DOCK1: variants seen among roughly 807,000 people sequenced by gnomAD.
DOCK1 encodes the protein dedicator of cytokinesis protein 1.
In DOCK1, 138 loss-of-function variants were observed where a neutral mutation model predicts 262.7. The ratio of observed to expected loss-of-function variants is 0.53; its 90% CI spans 0.46 to 0.61. The LOEUF (loss-of-function observed/expected upper bound fraction) is 0.61. Among genes scored for constraint, DOCK1 ranks in the 20% least tolerant of loss-of-function variants. The pLI is 0.00. For missense variants in DOCK1, 1,908 were observed against 2,370.7 expected (o/e 0.80, Z 4.05); for synonymous variants, 866 against 867.4 (o/e 1.00, Z 0.03).
At chr10:127,429,003 ATGCCGTGTGGATTGGGG>A (rs1175837561) in intron 47 of DOCK1, among the ~76,000 whole-genome samples, 18 of 35,912 alleles carry the variant, frequency 5.0e-4, no homozygotes, top group Admixed American at 5.5e-4. Context: ...GTGGATTGGG[ATGCCGTGTGGATTGGGG>A]TGCCGTGTGG....
intron 29 of DOCK1, among the ~76,000 whole-genome samples, chr10:127,329,179 G>A (rs544893970): frequency 6.6e-6 from 1 of 152,190 alleles, no homozygotes; most frequent in South Asian, 2.1e-4. Flanking sequence ...GGCAGCTGAT[G>A]ACACACATTC....
intron 32 of DOCK1, among the ~76,000 whole-genome samples, chr10:127,357,701 A>G (rs1198484705): frequency 1.3e-5 from 2 of 152,200 alleles, no homozygotes; most frequent in Non-Finnish European, 2.9e-5. Flanking sequence ...ACCAAAGCCA[A>G]TTAGGGTCAG....
intron 29 of DOCK1, among the ~76,000 whole-genome samples, chr10:127,267,368 A>C (rs2060400313): frequency 6.6e-6 from 1 of 152,252 alleles, no homozygotes; most frequent in African/African-American, 2.4e-5. Context: ...TTGCTTAATA[A>C]CTAAAACAAA....
At chr10:127,392,542 G>A (rs1385216527) in intron 38 of DOCK1, among the ~76,000 whole-genome samples, 2 of 152,170 alleles carry the variant, frequency 1.3e-5, no homozygotes. Context: ...ACACAGGCAC[G>A]GGGCTTTCAG....
intron 27 of DOCK1, among the ~76,000 whole-genome samples, chr10:127,224,154 C>T (rs1490563863): frequency 6.6e-6 from 1 of 151,946 alleles, no homozygotes; most frequent in Non-Finnish European, 1.5e-5. Context: ...CCATGGAAAA[C>T]CAGTTTTTTT....
intron 18 of DOCK1, among the ~76,000 whole-genome samples, chr10:127,034,298 G>T (rs1453767509): frequency 2.0e-5 from 3 of 152,184 alleles, no homozygotes; most frequent in Non-Finnish European, 2.9e-5. Flanking sequence ...CAGGCAGAGA[G>T]AGAGAGAAAG....
In DOCK1 at chr10:127,362,143, C is replaced by T. The variant is rs377554543; in HGVS notation, c.3363C>T (p.Arg1121=). ...EMTLIPETEL[R]KATIPIFFDM... ...CATTAATTCCCGAGACGGAGCTGCG[C>T]AAAGCCACCATCCCCATCTTCTTTG... Residue 1121 remains arginine (R), a synonymous_variant, in exon 33 of 52, where the codon CGC becomes CGT. Coordinates refer to ENST00000623213, the MANE Select transcript of DOCK1 (RefSeq NM_001290223.2). 77 of 1,613,916 alleles carry T rather than the reference C, an allele frequency of 4.8e-5. 1 individual carries two copies. The East Asian group carries it at 7.8e-4, about 16-fold the overall frequency.
chr10:127,191,260 G>C (rs937427136), intron 27 of DOCK1, among the ~76,000 whole-genome samples: 5 of 152,012 alleles, frequency 3.3e-5, no homozygotes, highest in African/African-American at 1.2e-4. Flanking sequence ...CCACTTCCTT[G>C]CCACCTCCTC....
intron 27 of DOCK1, chr10:127,137,992 C>G (rs1184972985): frequency 6.2e-7 from 1 of 1,610,918 alleles, no homozygotes; most frequent in African/African-American, 1.3e-5. Flanking sequence ...TGGAGTTTGT[C>G]TTCTTGCTGC....
chr10:127,236,749 T>A (rs1564924823), intron 27 of DOCK1, among the ~76,000 whole-genome samples: 1 of 152,190 alleles, frequency 6.6e-6, no homozygotes, highest in East Asian at 1.9e-4. Flanking sequence ...TAAAATATTC[T>A]TCTGTATATG....
intron 49 of DOCK1, among the ~76,000 whole-genome samples, chr10:127,441,302 C>G (rs532071667): frequency 6.6e-6 from 1 of 152,204 alleles, no homozygotes; most frequent in African/African-American, 2.4e-5. Flanking sequence ...GGCAGCCCCA[C>G]GAGGGCTGCC....
rs114994467 is a variant in DOCK1, at chr10:127,020,881, C to T, written c.1327+2046C>T. Among the ~76,000 whole-genome samples, 548 of 152,254 alleles carry T rather than the reference C, an allele frequency of 3.6e-3. 1 individual carries two copies. Among genetic ancestry groups the T allele is most frequent in the African/African-American group, 0.013 (520 of 41,540 alleles). On this transcript the variant is annotated intron_variant, in intron 13 of 51. Coordinates refer to ENST00000623213, the MANE Select transcript of DOCK1 (RefSeq NM_001290223.2). Reference sequence around the variant, plus strand: ...AGGGATGCGCGTCTTCTTTGGACAGCGCAGAGCCTGTCCCATCACCCAGCG... The same window carrying T: ...AGGGATGCGCGTCTTCTTTGGACAGTGCAGAGCCTGTCCCATCACCCAGCG...
intron 16 of DOCK1, among the ~76,000 whole-genome samples, chr10:127,026,810 G>C (rs181826867): frequency 6.6e-6 from 1 of 152,138 alleles, no homozygotes; most frequent in African/African-American, 2.4e-5. Flanking sequence ...GTCTTCCTTG[G>C]TGGCCCTTGC....
intron 1 of DOCK1, among the ~76,000 whole-genome samples, chr10:126,964,413 G>C (rs1039853958): frequency 6.6e-6 from 1 of 152,122 alleles, no homozygotes; most frequent in South Asian, 2.1e-4. Context: ...TGTGAAGTTC[G>C]AGACCAGGCG....
chr10:127,357,194 A>G (rs773637087), intron 32 of DOCK1, among the ~76,000 whole-genome samples: 18 of 152,226 alleles, frequency 1.2e-4, no homozygotes, highest in Admixed American at 7.2e-4. Flanking sequence ...ACAGCTGGCC[A>G]GAGGTCACCC....
At chr10:127,054,871 A>G (rs1412403601) in intron 22 of DOCK1, among the ~76,000 whole-genome samples, 4 of 152,202 alleles carry the variant, frequency 2.6e-5, no homozygotes, top group Non-Finnish European at 5.9e-5. Context: ...GTTTGTACTT[A>G]AAACGATCGT....
At chr10:127,290,213 G>T (rs2061302981) in intron 29 of DOCK1, among the ~76,000 whole-genome samples, 1 of 152,030 alleles carries the variant, frequency 6.6e-6, no homozygotes, top group Non-Finnish European at 1.5e-5. Context: ...AATGAATGCT[G>T]TAGATCATAT....
intron 47 of DOCK1, 144 bp downstream of exon 47, chr10:127,426,155 C>A: frequency 7.1e-7 from 1 of 1,405,484 alleles, no homozygotes; most frequent in African/African-American, 1.4e-5. Context: ...AGCTCAGCCC[C>A]CTTGGGCAGT....
At chr10:127,398,673 A>G (rs1228416756) in intron 38 of DOCK1, among the ~76,000 whole-genome samples, 1 of 152,242 alleles carries the variant, frequency 6.6e-6, no homozygotes, top group Non-Finnish European at 1.5e-5. Context: ...AATGTCTGAA[A>G]TTCAAGCATC....
Sources: gnomAD v4.1 joint callset for allele counts (sites outside exome capture counted in the v4.1 genomes callset) on GRCh38, gnomAD v4.1.1 for gene constraint, MANE v1.5 for transcripts, NCBI Gene and HGNC (gene_info 2026-07-23, HGNC 2026-07-21) for gene names.